Variants in CDH13 observed in about 807,000 individuals in gnomAD.
CDH13 encodes cadherin 13, also known as cadherin-13.
A neutral mutation model predicts 63.8 loss-of-function variants in CDH13; 24 were observed. The observed-to-expected ratio is 0.38, with a 90% CI of 0.27 to 0.53. The LOEUF (loss-of-function observed/expected upper bound fraction) is 0.53. Ranked by LOEUF, CDH13 falls within the 20% of genes least tolerant of loss-of-function variation. The pLI is 0.85. For synonymous variants in CDH13, 503 were observed against 355.3 expected (o/e 1.42, Z -4.67); for missense variants, 1,049 against 903.1 (o/e 1.16, Z -2.07).
At chr16:83,587,682 T>C (rs895976229) in intron 7 of CDH13, among the ~76,000 whole-genome samples, 2 of 152,194 alleles carry the variant, frequency 1.3e-5, no homozygotes, top group Non-Finnish European at 1.5e-5. Flanking sequence ...ACACAGATCA[T>C]TTAATAACAG....
At chr16:83,533,588 T>TTG (rs1462187893) in intron 7 of CDH13, among the ~76,000 whole-genome samples, 1 of 151,864 alleles carries the variant, frequency 6.6e-6, no homozygotes, top group Non-Finnish European at 1.5e-5. Flanking sequence ...GTTGTGGAAG[T>TTG]TGTGAGGATT....
At chr16:83,537,552 C>G (rs1173418371) in intron 7 of CDH13, among the ~76,000 whole-genome samples, 1 of 152,142 alleles carries the variant, frequency 6.6e-6, no homozygotes, top group Non-Finnish European at 1.5e-5. Flanking sequence ...TGCTCACACT[C>G]TGGCAGATCT....
intron 2 of CDH13, among the ~76,000 whole-genome samples, chr16:82,918,985 T>C (rs1239742388): frequency 6.6e-6 from 1 of 152,170 alleles, no homozygotes; most frequent in Non-Finnish European, 1.5e-5. Context: ...GCTCATAAGG[T>C]TTAACTTTTT....
chr16:83,608,838 T>G (rs141716277), intron 8 of CDH13, among the ~76,000 whole-genome samples: 1 of 152,134 alleles, frequency 6.6e-6, no homozygotes, highest in African/African-American at 2.4e-5. Flanking sequence ...AAATATTGTG[T>G]TAATTAACTG....
intron 3 of CDH13, among the ~76,000 whole-genome samples, chr16:83,110,925 C>T (rs531220587): frequency 9.4e-5 from 14 of 149,544 alleles, no homozygotes; most frequent in Admixed American, 8.8e-4. Context: ...CACCACAATG[C>T]CTGGTCCGTG....
intron 6 of CDH13, among the ~76,000 whole-genome samples, chr16:83,418,279 G>A (rs1462033124): frequency 1.3e-5 from 2 of 152,142 alleles, no homozygotes. Flanking sequence ...ATTTAGCTCA[G>A]CAGCTGGCAC....
intron 6 of CDH13, among the ~76,000 whole-genome samples, chr16:83,393,845 T>C (rs772702282): frequency 2.6e-5 from 4 of 152,034 alleles, no homozygotes; most frequent in East Asian, 3.9e-4. Flanking sequence ...ACAGTAAACA[T>C]AGAATACATT....
intron 1 of CDH13, among the ~76,000 whole-genome samples, chr16:82,752,889 C>T (rs1324891576): frequency 6.6e-6 from 1 of 152,236 alleles, no homozygotes; most frequent in East Asian, 1.9e-4. Flanking sequence ...ATTATTGTAC[C>T]CCATTATGTA....
At chr16:83,206,440 G>A (rs994152328) in intron 4 of CDH13, among the ~76,000 whole-genome samples, 1 of 152,108 alleles carries the variant, frequency 6.6e-6, no homozygotes, top group Non-Finnish European at 1.5e-5. Flanking sequence ...GTGCTGCAAT[G>A]GCAGATCCCT....
intron 2 of CDH13, among the ~76,000 whole-genome samples, chr16:83,017,515 C>T (rs562246096): frequency 7.3e-4 from 111 of 152,268 alleles, no homozygotes; most frequent in African/African-American, 2.5e-3. Flanking sequence ...AGATGTGTGA[C>T]CTTAAGAAAT....
chr16:82,909,638 A>G (rs957612123), intron 2 of CDH13, among the ~76,000 whole-genome samples: 3 of 152,170 alleles, frequency 2.0e-5, no homozygotes, highest in Non-Finnish European at 2.9e-5. Flanking sequence ...GAGCTCATGC[A>G]TGGGAACTCC....
At chr16:82,910,309 A>G (rs1196882824) in intron 2 of CDH13, among the ~76,000 whole-genome samples, 1 of 152,192 alleles carries the variant, frequency 6.6e-6, no homozygotes, top group Non-Finnish European at 1.5e-5. Context: ...AGCCTTGTAC[A>G]TGCTTCTCTC....
intron 3 of CDH13, among the ~76,000 whole-genome samples, chr16:83,112,280 C>G (rs973748240): frequency 6.6e-6 from 1 of 152,206 alleles, no homozygotes; most frequent in South Asian, 2.1e-4. Context: ...AAACCAATCC[C>G]GTTGGCAGGG....
At chr16:83,044,505 T>C (rs1917602746) in intron 3 of CDH13, among the ~76,000 whole-genome samples, 1 of 151,988 alleles carries the variant, frequency 6.6e-6, no homozygotes, top group Non-Finnish European at 1.5e-5. Flanking sequence ...AAAAGAACCT[T>C]GTGGAAACAG....
intron 10 of CDH13, among the ~76,000 whole-genome samples, chr16:83,730,723 A>C (rs149031719): frequency 0.011 from 1,675 of 152,136 alleles, 18 homozygotes; most frequent in Admixed American, 0.015. Context: ...ACCTGGGTCT[A>C]TTGCGTGTTG....
At chr16:83,247,020 A>G (rs926377350) in intron 5 of CDH13, among the ~76,000 whole-genome samples, 3 of 152,176 alleles carry the variant, frequency 2.0e-5, no homozygotes, top group Non-Finnish European at 4.4e-5. Flanking sequence ...CAGAAAGGAT[A>G]TCAGATTAGA....
intron 1 of CDH13, among the ~76,000 whole-genome samples, chr16:82,816,661 G>C (rs1248598700): frequency 7.9e-5 from 12 of 151,830 alleles, no homozygotes; most frequent in Admixed American, 7.9e-4. Context: ...AGGTCATCAT[G>C]GAGTGAGGGG....
At chr16:82,671,784 T>G (rs1355917108) in intron 1 of CDH13, among the ~76,000 whole-genome samples, 1 of 152,078 alleles carries the variant, frequency 6.6e-6, no homozygotes, top group Admixed American at 6.6e-5. Context: ...TGGGTGTTCT[T>G]TGGGCTTCTT....
intron 1 of CDH13, among the ~76,000 whole-genome samples, chr16:82,697,683 C>A (rs981018342): frequency 1.3e-5 from 2 of 151,818 alleles, no homozygotes; most frequent in Non-Finnish European, 2.9e-5. Flanking sequence ...CTGCCTCGGC[C>A]TCCTAAAGTG....
Sources: gnomAD v4.1 joint callset for allele counts (sites outside exome capture counted in the v4.1 genomes callset) on GRCh38, gnomAD v4.1.1 for gene constraint, MANE v1.5 for transcripts, NCBI Gene and HGNC (gene_info 2026-07-23, HGNC 2026-07-21) for gene names.